ZFYVE16: variants seen among roughly 807,000 people sequenced by gnomAD.
ZFYVE16 encodes zinc finger FYVE-type containing 16.
In ZFYVE16, 89 loss-of-function variants were observed where a neutral mutation model predicts 138.1. The ratio of observed to expected loss-of-function variants is 0.64; its 90% CI spans 0.54 to 0.77. The LOEUF is 0.77. ZFYVE16 is among the 30% of genes least tolerant of loss of function. The pLI is 0.00. For missense variants in ZFYVE16, 1,793 were observed against 1,786.7 expected (o/e 1.00, Z -0.06); for synonymous variants, 596 against 618.3 (o/e 0.96, Z 0.53).
In ZFYVE16 at chr5:80,443,775, C is replaced by T. The variant is rs117021240; in HGVS notation, c.2581+491C>T. On this transcript the variant is annotated intron_variant, in intron 6 of 18. Transcript: ENST00000505560. ...AAGAATTCCTTCTTATTTCTTCCCA[C>T]CTTATGGTCTCCCACCAGTGCCTGC... 628 of 456,240 alleles carry T rather than the reference C, an allele frequency of 1.4e-3. 11 individuals are homozygous for T. The East Asian group carries it at 0.039, about 28-fold the overall frequency. 28.3% of individuals were successfully genotyped at this position (456,240 alleles called of 1,614,324 possible). A position where few individuals can be genotyped will look rare whatever the true frequency, so the allele number is the denominator to read the frequency against.
At chr5:80,469,618 C>T (rs1754094590) in intron 15 of ZFYVE16, among the ~76,000 whole-genome samples, 1 of 152,062 alleles carries the variant, frequency 6.6e-6, no homozygotes. Flanking sequence ...ATTCCAGTCT[C>T]TTCTTCTAGG....
At position 80,477,906 on chromosome 5, in the gene ZFYVE16, C is replaced by G. The variant is rs1410113858; in HGVS notation, c.*529C>G. The stretch of plus-strand genomic sequence containing the variant: ...TTGTATAATTGGAGTGGAGACCTAC[C>G]TCCATAATTAGATAAACTCTTTTTG... On this transcript the variant is annotated 3_prime_UTR_variant, in exon 19 of 19. Coordinates refer to ENST00000505560, the MANE Select transcript of ZFYVE16 (RefSeq NM_001284236.3). The G allele has an allele frequency of 6.6e-6, 1 of 152,042 alleles. No individual in the cohort carries two copies. The highest frequency in any genetic ancestry group is 6.6e-5 in the Admixed American group (1 of 15,262). 9.4% of individuals were successfully genotyped at this position (152,042 alleles called of 1,614,324 possible). A position where few individuals can be genotyped will look rare whatever the true frequency, so the allele number is the denominator to read the frequency against.
chr5:80,445,308 T>C lies in ZFYVE16; in HGVS notation c.2627T>C (p.Ile876Thr), dbSNP rs1440627438. Residue 876 changes from isoleucine to threonine, a missense_variant, in exon 7 of 19, where the codon ATA (isoleucine) becomes ACA (threonine). Coordinates refer to ENST00000505560, the MANE Select transcript of ZFYVE16 (RefSeq NM_001284236.3). ...EQKRVWFADG[I>T]LPNGEVADTT... ...AAGAGAGTATGGTTTGCAGATGGTA[T>C]ATTGCCCAATGGTGAAGTTGCAGAT... is the stretch of plus-strand genomic sequence containing the variant. 1 of 1,614,036 alleles carries C rather than the reference T, an allele frequency of 6.2e-7. No homozygotes were observed. The highest frequency in any genetic ancestry group is 2.2e-5 in the East Asian group (1 of 44,830).
intron 15 of ZFYVE16, among the ~76,000 whole-genome samples, chr5:80,462,095 G>A (rs191752206): frequency 1.1e-4 from 17 of 152,286 alleles, no homozygotes; most frequent in East Asian, 1.9e-4. Flanking sequence ...CAGGGTTAGG[G>A]CTTCAACATA....
Position 80,436,802 on chromosome 5 carries a change from C to T in ZFYVE16, c.117C>T (p.Asn39=), listed in dbSNP as rs751440076. 6.2e-7 allele frequency: 1 copy of T among 1,614,082 alleles called. No homozygotes were observed. The highest frequency in any genetic ancestry group is 1.1e-5 in the South Asian group (1 of 91,074). Residue 39 remains asparagine (N), a synonymous_variant, in exon 4 of 19, where the codon AAC becomes AAT. Transcript: ENST00000505560. ...ATGTACAAAATGCATATGATTCTAA[C>T]CACTGCTCAGTTTCTTCAGAGTTGG... ...LQDVQNAYDS[N]HCSVSSELAS... is the part of the protein sequence containing the mutation.
Position 80,483,210 on chromosome 5 carries a change from C to T in ZFYVE16, c.*5833C>T, listed in dbSNP as rs1755333697. Reference sequence around the variant, plus strand: ...CAGAAGAAGGAAAGCTAAAATAATTCATTGCTAGTAGTCCTCCTTTAACAG... The same window carrying T: ...CAGAAGAAGGAAAGCTAAAATAATTTATTGCTAGTAGTCCTCCTTTAACAG... On this transcript the variant is annotated 3_prime_UTR_variant, in exon 19 of 19. Coordinates refer to ENST00000505560, the MANE Select transcript of ZFYVE16 (RefSeq NM_001284236.3). 6.6e-6 allele frequency: 1 copy of T among 152,274 alleles called. No individual in the cohort carries two copies. The highest frequency in any genetic ancestry group is 1.5e-5 in the Non-Finnish European group (1 of 68,026). 9.4% of individuals were successfully genotyped at this position (152,274 alleles called of 1,614,324 possible). A position where few individuals can be genotyped will look rare whatever the true frequency, so the allele number is the denominator to read the frequency against.
At chr5:80,443,361 T>C (rs1750933783) in intron 6 of ZFYVE16, 77 bp downstream of exon 6, 4 of 1,500,106 alleles carry the variant, frequency 2.7e-6, no homozygotes, top group Non-Finnish European at 3.6e-6. Context: ...CAGAGTCTAG[T>C]CAGGAAAGAG....
chr5:80,449,439 C>A, intron 8 of ZFYVE16, 152 bp from the exon 9 acceptor site: 1 of 678,974 alleles, frequency 1.5e-6, no homozygotes, highest in Non-Finnish European at 2.3e-6. Flanking sequence ...TAGTATATAA[C>A]AGTTGTCTGG....
In ZFYVE16 at chr5:80,440,743, A is replaced by G. The variant is rs578191096; in HGVS notation, c.2419+711A>G. The stretch of plus-strand genomic sequence containing the variant: ...CAAGTCCATGTTTATTCTTTTGAGT[A>G]CCACTTGGCATTTTCAAAGATTCGT... On this transcript the variant is annotated intron_variant, in intron 5 of 18. Transcript: ENST00000505560. The G allele has an allele frequency of 7.2e-6, 7 of 978,916 alleles. No individual in the cohort carries two copies. The African/African-American group carries it at 1.3e-4, about 18-fold the overall frequency. 60.6% of individuals were successfully genotyped at this position (978,916 alleles called of 1,614,324 possible). A position where few individuals can be genotyped will look rare whatever the true frequency, so the allele number is the denominator to read the frequency against.
At chr5:80,456,629 C>A in intron 13 of ZFYVE16, 64 bp downstream of exon 13, 1 of 1,418,994 alleles carries the variant, frequency 7.0e-7, no homozygotes, top group Non-Finnish European at 9.7e-7. Context: ...AGAATTGTGT[C>A]ACATTAAATT....
At chr5:80,418,694 G>T (rs1476454026) in intron 1 of ZFYVE16, among the ~76,000 whole-genome samples, 1 of 152,138 alleles carries the variant, frequency 6.6e-6, no homozygotes, top group Admixed American at 6.6e-5. Flanking sequence ...GTGTTTTGCA[G>T]ATATTCCAGT....
chr5:80,425,613 T>C (rs1433586947), intron 1 of ZFYVE16, among the ~76,000 whole-genome samples: 1 of 152,230 alleles, frequency 6.6e-6, no homozygotes, highest in Non-Finnish European at 1.5e-5. Flanking sequence ...GTTTGAGGAA[T>C]GTTGCTGTAC....
intron 1 of ZFYVE16, among the ~76,000 whole-genome samples, chr5:80,416,244 T>C (rs1279173794): frequency 7.5e-6 from 1 of 133,266 alleles, no homozygotes; most frequent in Non-Finnish European, 1.6e-5. Context: ...TATGAATACA[T>C]AGATTTTTTT....
In ZFYVE16 at chr5:80,439,958, A is replaced by G; in HGVS notation, c.2345A>G (p.Asn782Ser). The G allele has an allele frequency of 6.2e-7, 1 of 1,610,380 alleles. No homozygotes were observed. Among genetic ancestry groups the G allele is most frequent in the Non-Finnish European group, 8.5e-7 (1 of 1,178,254 alleles). Reference sequence around the variant, plus strand: ...TAGGTATTTTGTGGTGTCTGTTGTAATAGGAAGTGTAAACTGCAATATCTA... The same window carrying G: ...TAGGTATTTTGTGGTGTCTGTTGTAGTAGGAAGTGTAAACTGCAATATCTA... Reference protein sequence around the residue: ...CGKVFCGVCCNRKCKLQYLEK... With the variant: ...CGKVFCGVCCSRKCKLQYLEK... Residue 782 changes from asparagine (N) to serine (S), a missense_variant, in exon 5 of 19, where the codon AAT becomes AGT. Around this residue, in one of 2 missense-constraint regions of ZFYVE16, gnomAD observed 1,295 missense variants for 1,204.3 expected, o/e 1.08. Transcript: ENST00000505560.
At chr5:80,444,375 A>G (rs1326924061) in intron 6 of ZFYVE16, among the ~76,000 whole-genome samples, 1 of 152,076 alleles carries the variant, frequency 6.6e-6, no homozygotes, top group Non-Finnish European at 1.5e-5. Context: ...CTACATTGCA[A>G]AAAATATGTA....
chr5:80,473,375 A>G (rs559054416), intron 16 of ZFYVE16, among the ~76,000 whole-genome samples: 3 of 152,192 alleles, frequency 2.0e-5, no homozygotes, highest in Non-Finnish European at 2.9e-5. Flanking sequence ...TCCTCTCTTC[A>G]GTTACCCATT....
In ZFYVE16 at chr5:80,445,279, A is replaced by T. The variant is rs773642766; in HGVS notation, c.2598A>T (p.Glu866Asp). The T allele has an allele frequency of 1.9e-6, 3 of 1,613,514 alleles. No individual in the cohort carries two copies. The East Asian group carries it at 6.7e-5, about 36-fold the overall frequency. The change falls in exon 7 of 19, where the codon GAA (glutamate) becomes GAT (aspartate). Residue 866 changes from glutamate (E) to aspartate (D), a missense_variant. By Grantham distance (45) the Glu-to-Asp change is conservative. Transcript: ENST00000505560. ...TGATTCTAGGACTATGTTCCAAAGA[A>T]CAGAAGAGAGTATGGTTTGCAGATG... is the stretch of plus-strand genomic sequence containing the variant. ...QPGVEGLCSK[E>D]QKRVWFADGI... is the part of the protein sequence containing the mutation.
chr5:80,437,757 C>T lies in ZFYVE16; in HGVS notation c.1072C>T (p.Gln358Ter), dbSNP rs1235482710. 6.2e-7 allele frequency: 1 copy of T among 1,613,860 alleles called. No homozygotes were observed. Among genetic ancestry groups the T allele is most frequent in the Non-Finnish European group, 8.5e-7 (1 of 1,179,976 alleles). The change falls in exon 4 of 19, where the codon CAA becomes TAA. Residue 358 changes from glutamine to a stop codon, truncating the protein, a stop_gained. Coordinates refer to ENST00000505560, the MANE Select transcript of ZFYVE16 (RefSeq NM_001284236.3). LOFTEE classifies it high-confidence loss of function. ...SLDLKDNDVI[Q>*]DSSSALHVSS... ...AGACCTTAAGGATAATGATGTAATC[C>T]AAGATTCCTCTTCAGCTTTACATGT...
intron 14 of ZFYVE16, among the ~76,000 whole-genome samples, chr5:80,458,583 A>G (rs1251575754): frequency 6.6e-6 from 1 of 152,146 alleles, no homozygotes; most frequent in Non-Finnish European, 1.5e-5. Flanking sequence ...TTTACATTTT[A>G]TATGTTGTAC....
Sources: gnomAD v4.1 joint callset for allele counts (sites outside exome capture counted in the v4.1 genomes callset) on GRCh38, gnomAD v4.1.1 for gene constraint, gnomAD v4.1.1 regional missense constraint, MANE v1.5 for transcripts, NCBI Gene and HGNC (gene_info 2026-07-23, HGNC 2026-07-21) for gene names.